Variants in ENOX1 observed in about 807,000 individuals in gnomAD.
ENOX1 encodes the protein candidate growth-related and time keeping constitutive hydroquinone (NADH) oxidase.
A neutral mutation model predicts 82.5 loss-of-function variants in ENOX1; 42 were observed. That is an observed-to-expected ratio of 0.51 (90% CI 0.40 to 0.66). The LOEUF is 0.66. ENOX1 is among the 30% of genes least tolerant of loss of function. The pLI, the probability that ENOX1 is intolerant of heterozygous loss-of-function variation, is 0.00. For missense variants in ENOX1, 608 were observed against 811.6 expected, an observed-to-expected ratio of 0.75 and a Z score of 3.05; for synonymous variants, 271 against 282.2, an observed-to-expected ratio of 0.96 and a Z score of 0.40.
chr13:43,548,261 TA>T (rs146518079), intron 2 of ENOX1, among the ~76,000 whole-genome samples: 6,715 of 152,230 alleles, frequency 0.044, 175 homozygotes, highest in Admixed American at 0.072. Context: ...GCAAAACAAC[TA>T]ACATCCCTCT....
intron 2 of ENOX1, among the ~76,000 whole-genome samples, chr13:43,553,925 T>C (rs1438792058): frequency 6.6e-6 from 1 of 152,146 alleles, no homozygotes; most frequent in African/African-American, 2.4e-5. Context: ...ATTTTTGTAT[T>C]TTTAGTAGAG....
intron 3 of ENOX1, among the ~76,000 whole-genome samples, chr13:43,429,549 A>C (rs1482141403): frequency 2.0e-5 from 3 of 152,180 alleles, no homozygotes; most frequent in African/African-American, 7.2e-5. Flanking sequence ...TTGGTTTGTA[A>C]ATTCCTTTGG....
intron 2 of ENOX1, among the ~76,000 whole-genome samples, chr13:43,597,202 C>T (rs2081511422): frequency 6.6e-6 from 1 of 152,106 alleles, no homozygotes; most frequent in South Asian, 2.1e-4. Flanking sequence ...GGGAAGTCTG[C>T]CCCCATGAGC....
intron 14 of ENOX1, among the ~76,000 whole-genome samples, chr13:43,236,951 G>A (rs1273029579): frequency 6.6e-6 from 1 of 152,206 alleles, no homozygotes; most frequent in East Asian, 1.9e-4. Context: ...CGCATACCAA[G>A]TAATTCTCTG....
chr13:43,483,568 T>G (rs951974736), intron 3 of ENOX1, among the ~76,000 whole-genome samples: 18 of 152,212 alleles, frequency 1.2e-4, no homozygotes, highest in Non-Finnish European at 4.4e-5. Flanking sequence ...GCACTGAGTT[T>G]TTATAATTTG....
chr13:43,582,514 C>T (rs954472670), intron 2 of ENOX1, among the ~76,000 whole-genome samples: 2 of 152,030 alleles, frequency 1.3e-5, no homozygotes, highest in African/African-American at 2.4e-5. Context: ...GAGGCTAAAA[C>T]AATTACACAA....
In ENOX1 at chr13:43,659,384, G is replaced by A. The variant is rs189591564; in HGVS notation, c.-219+8095C>T. ...ACGCGCCTGTAATCCCAGCTACTAG[G>A]GAGGCTGAGGTGGGAGAATCGCTTG... On this transcript the variant is annotated intron_variant, in intron 2 of 16. Coordinates refer to ENST00000690772, the MANE Select transcript of ENOX1 (RefSeq NM_001347969.2). Among the ~76,000 whole-genome samples, 4 of 152,120 alleles carry A rather than the reference G, an allele frequency of 2.6e-5. No homozygotes were observed. The East Asian group carries it at 7.7e-4, about 29-fold the overall frequency.
chr13:43,379,106 C>T (rs1215907540), intron 5 of ENOX1, among the ~76,000 whole-genome samples: 1 of 152,086 alleles, frequency 6.6e-6, no homozygotes, highest in East Asian at 1.9e-4. Flanking sequence ...ACAGATTCTC[C>T]TCTGGAGCCT....
chr13:43,683,498 G>A (rs1016052643), intron 1 of ENOX1, among the ~76,000 whole-genome samples: 3 of 152,118 alleles, frequency 2.0e-5, no homozygotes, highest in Admixed American at 1.3e-4. Context: ...AAGACAGTGA[G>A]ATTTAAAAAT....
At chr13:43,629,013 T>C (rs189524801) in intron 2 of ENOX1, among the ~76,000 whole-genome samples, 7 of 152,272 alleles carry the variant, frequency 4.6e-5, no homozygotes, top group Admixed American at 4.6e-4. Context: ...CAGGGGTACA[T>C]AATTTTTGTT....
At chr13:43,670,872 C>T (rs2085233329) in intron 1 of ENOX1, among the ~76,000 whole-genome samples, 1 of 151,778 alleles carries the variant, frequency 6.6e-6, no homozygotes, top group African/African-American at 2.4e-5. Context: ...ACAACAACAA[C>T]AACAACAACA....
chr13:43,251,281 T>C (rs1288022685), intron 14 of ENOX1, among the ~76,000 whole-genome samples: 1 of 152,246 alleles, frequency 6.6e-6, no homozygotes, highest in Non-Finnish European at 1.5e-5. Flanking sequence ...GAGTGATGTG[T>C]GTTTATCTTC....
chr13:43,683,878 C>T (rs1221805003), intron 1 of ENOX1, among the ~76,000 whole-genome samples: 1 of 151,980 alleles, frequency 6.6e-6, no homozygotes, highest in East Asian at 1.9e-4. Flanking sequence ...AGCCACTGAA[C>T]CATGTGTCGC....
chr13:43,456,207 A>G (rs988135060), intron 3 of ENOX1, among the ~76,000 whole-genome samples: 3 of 151,896 alleles, frequency 2.0e-5, no homozygotes, highest in East Asian at 1.9e-4. Flanking sequence ...TGAAATATCT[A>G]TATCTTCTCT....
chr13:43,268,931 T>C (rs2044532071), intron 13 of ENOX1, among the ~76,000 whole-genome samples: 1 of 152,194 alleles, frequency 6.6e-6, no homozygotes, highest in Non-Finnish European at 1.5e-5. Flanking sequence ...AATCCACTTA[T>C]CAATGTCAGG....
chr13:43,263,614 A>T (rs1295961268), intron 14 of ENOX1, among the ~76,000 whole-genome samples: 1 of 152,256 alleles, frequency 6.6e-6, no homozygotes, highest in Non-Finnish European at 1.5e-5. Context: ...TCAGCAGATC[A>T]ATTTATAATC....
intron 2 of ENOX1, among the ~76,000 whole-genome samples, chr13:43,565,050 G>C (rs971016944): frequency 6.6e-6 from 1 of 152,138 alleles, no homozygotes; most frequent in Non-Finnish European, 1.5e-5. Flanking sequence ...AATGGATACA[G>C]AGCATAAAAA....
chr13:43,680,673 G>A (rs1348153004), intron 1 of ENOX1, among the ~76,000 whole-genome samples: 1 of 152,082 alleles, frequency 6.6e-6, no homozygotes, highest in Non-Finnish European at 1.5e-5. Flanking sequence ...TCATTGAGTT[G>A]TTATGAGGAT....
At chr13:43,492,099 T>C (rs1011752806) in intron 2 of ENOX1, among the ~76,000 whole-genome samples, 6 of 152,184 alleles carry the variant, frequency 3.9e-5, no homozygotes, top group Admixed American at 2.0e-4. Context: ...AGCTACTACT[T>C]TGTGAACCAC....
Sources: allele counts gnomAD v4.1 joint callset (sites outside exome capture counted in the v4.1 genomes callset), GRCh38; gene constraint gnomAD v4.1.1; transcripts MANE v1.5; gene names NCBI Gene and HGNC (gene_info 2026-07-23, HGNC 2026-07-21).